Variants in APAF1 observed in about 807,000 individuals in gnomAD.
APAF1 encodes the protein apoptotic peptidase activating factor 1.
Under a neutral mutation model 152.4 loss-of-function variants are expected in APAF1, and 91 were observed. That is an observed-to-expected ratio of 0.60 (90% CI 0.50 to 0.71). The LOEUF (loss-of-function observed/expected upper bound fraction) is 0.71. Ranked by LOEUF, APAF1 falls within the 30% of genes least tolerant of loss-of-function variation. APAF1 has a pLI of 0.00. For missense variants in APAF1, 1,283 were observed against 1,472.0 expected, an observed-to-expected ratio of 0.87 and a Z score of 2.10; for synonymous variants, 484 against 494.1, an observed-to-expected ratio of 0.98 and a Z score of 0.27.
chr12:98,670,908 G>T, intron 10 of APAF1, 65 bp from the exon 11 acceptor site: 1 of 893,318 alleles, frequency 1.1e-6, no homozygotes, highest in South Asian at 1.3e-5. Context: ...TGAGGTTAAT[G>T]ATGTTATACC....
rs1331776919 is a variant in APAF1 at position 98,732,514 on chromosome 12, ATG to A, written c.3698_3699del (p.Val1233AspfsTer4). 1 of 1,576,550 alleles carries A rather than the reference ATG, an allele frequency of 6.3e-7. No homozygotes were observed. The highest frequency in any genetic ancestry group is 1.3e-5 in the African/African-American group (1 of 74,118). On this transcript the variant is annotated frameshift_variant, in exon 27 of 27. Transcript: ENST00000551964. LOFTEE classifies it high-confidence loss of function. ...CACGTGTCCCCTGACTTCAAAACATATGTGACTGTGGATAATCTTGGTATTTT... is the reference window on the plus strand; with the variant it reads ...CACGTGTCCCCTGACTTCAAAACATATGACTGTGGATAATCTTGGTATTTT...
intron 12 of APAF1, among the ~76,000 whole-genome samples, chr12:98,674,879 G>A (rs2097684890): frequency 6.6e-6 from 1 of 152,168 alleles, no homozygotes; most frequent in African/African-American, 2.4e-5. Context: ...ATAGCATTTA[G>A]CATTTTTCTG....
intron 16 of APAF1, among the ~76,000 whole-genome samples, chr12:98,688,780 T>A (rs1279430339): frequency 2.6e-5 from 4 of 151,866 alleles, no homozygotes; most frequent in Non-Finnish European, 5.9e-5. Flanking sequence ...TTCTTTTTTC[T>A]TTTCTTTTCT....
intron 22 of APAF1, among the ~76,000 whole-genome samples, chr12:98,717,985 C>T (rs541445263): frequency 1.8e-4 from 27 of 152,208 alleles, no homozygotes; most frequent in Admixed American, 4.6e-4. Flanking sequence ...ATAAACCTGG[C>T]TGGCAGGTTC....
chr12:98,683,239 C>T lies in APAF1; in HGVS notation c.2143C>T (p.Leu715Phe), dbSNP rs2097694404. ...CHFTNSSHHL[L>F]LATGSSDCFL... ...TTTCACCAACAGTAGTCATCATCTT[C>T]TCTTAGCCACTGGGTCAAGTGACTG... is the stretch of plus-strand genomic sequence containing the variant. The change falls in exon 15 of 27, where the codon CTC (leucine) becomes TTC (phenylalanine). Residue 715 changes from leucine (L) to phenylalanine (F), a missense_variant. Transcript: ENST00000551964. 2 of 1,613,858 alleles carry T rather than the reference C, an allele frequency of 1.2e-6. No homozygotes were observed. The highest frequency in any genetic ancestry group is 1.7e-5 in the Admixed American group (1 of 59,988).
At chr12:98,671,150 C>G in intron 11 of APAF1, 64 bp downstream of exon 11, 4 of 1,025,240 alleles carry the variant, frequency 3.9e-6, no homozygotes, top group South Asian at 2.7e-5. Context: ...ACATTTAATT[C>G]TAGATTTAAT....
intron 16 of APAF1, among the ~76,000 whole-genome samples, chr12:98,695,721 G>A (rs1200944433): frequency 6.6e-6 from 1 of 152,238 alleles, no homozygotes. Flanking sequence ...GGCCCCCTGG[G>A]TTGCAGAGTG....
At chr12:98,720,600 A>G (rs1389780200) in intron 22 of APAF1, among the ~76,000 whole-genome samples, 1 of 152,170 alleles carries the variant, frequency 6.6e-6, no homozygotes, top group Non-Finnish European at 1.5e-5. Flanking sequence ...TTTACCTTGA[A>G]GTAAATAAAG....
In APAF1 at chr12:98,649,915, T is replaced by G. The variant is rs137933277; in HGVS notation, c.526+231T>G. 5.4e-4 allele frequency among the ~76,000 whole-genome samples: 82 copies of G among 151,884 alleles called. 1 individual carries two copies. In the East Asian group the frequency reaches 0.014, roughly 25 times the overall value. On this transcript the variant is annotated intron_variant, in intron 4 of 26. Transcript: ENST00000551964. Reference sequence around the variant, plus strand: ...GAAAGAATAAAAGTTAGCTAGGCAGTGAAGGTAGGGATGGGAGACTAGGGA... The same window carrying G: ...GAAAGAATAAAAGTTAGCTAGGCAGGGAAGGTAGGGATGGGAGACTAGGGA...
At chr12:98,731,804 C>A (rs1429257495) in intron 26 of APAF1, among the ~76,000 whole-genome samples, 1 of 152,124 alleles carries the variant, frequency 6.6e-6, no homozygotes. Flanking sequence ...ATATTATAAG[C>A]AAATTCAGTG....
rs1351628383 is a variant in APAF1 at position 98,648,508 on chromosome 12, C to G, written c.138+11C>G. 5.0e-6 allele frequency: 8 copies of G among 1,612,776 alleles called. No individual in the cohort carries two copies. Among genetic ancestry groups the G allele is most frequent in the Admixed American group, 1.7e-5 (1 of 59,916 alleles). On this transcript the variant is annotated intron_variant, in intron 2 of 26. Coordinates refer to ENST00000551964, the MANE Select transcript of APAF1 (RefSeq NM_181861.2). The stretch of plus-strand genomic sequence containing the variant: ...AAAGTAAGAAATGAGGTAAAGCTCT[C>G]TGAAGCAGTCCACACTTCCTTAAAA...
chr12:98,662,806 G>C lies in APAF1; in HGVS notation c.955G>C (p.Gly319Arg). Residue 319 changes from glycine to arginine, a missense_variant and splice_region_variant, in exon 7 of 27, where the codon GGC (glycine) becomes CGC (arginine). Coordinates refer to ENST00000551964, the MANE Select transcript of APAF1 (RefSeq NM_181861.2). ...QAHSIIKECK[G>R]SPLVVSLIGA... The stretch of plus-strand genomic sequence containing the variant: ...TCATAGTATTATAAAAGAATGTAAA[G>C]GTATGGTTATTTATTTGTTTATGAG... 1 of 1,607,732 alleles carries C rather than the reference G, an allele frequency of 6.2e-7. No homozygotes were observed. The highest frequency in any genetic ancestry group is 1.1e-5 in the South Asian group (1 of 90,804).
At chr12:98,668,203 TAA>T (rs2097675844) in intron 10 of APAF1, among the ~76,000 whole-genome samples, 1 of 152,224 alleles carries the variant, frequency 6.6e-6, no homozygotes, top group South Asian at 2.1e-4. Flanking sequence ...TTTTTATTAG[TAA>T]AAATGGGATT....
chr12:98,656,775 A>G (rs1298219842), intron 4 of APAF1, among the ~76,000 whole-genome samples: 1 of 151,986 alleles, frequency 6.6e-6, no homozygotes, highest in Admixed American at 6.6e-5. Context: ...TTTTTCCTTT[A>G]TATCCTACAT....
chr12:98,727,027 G>A (rs2097751550), intron 25 of APAF1, 146 bp from the exon 26 acceptor site: 2 of 677,544 alleles, frequency 3.0e-6, no homozygotes, highest in Non-Finnish European at 2.5e-6. Context: ...GAAATAAATG[G>A]CAATATTAGT....
At chr12:98,716,433 T>C (rs2097734833) in intron 22 of APAF1, among the ~76,000 whole-genome samples, 3 of 152,250 alleles carry the variant, frequency 2.0e-5, no homozygotes, top group South Asian at 4.1e-4. Flanking sequence ...ATTTTTTGCC[T>C]TAACGCAATT....
chr12:98,727,464 T>C, intron 26 of APAF1, 148 bp downstream of exon 26: 1 of 867,502 alleles, frequency 1.2e-6, no homozygotes, highest in Non-Finnish European at 1.8e-6. Context: ...GGAGGATCGC[T>C]GGAGTCTGTG....
At chr12:98,645,907 A>C (rs2097639494) in intron 1 of APAF1, 72 bp downstream of exon 1, 1 of 152,250 alleles carries the variant, frequency 6.6e-6, no homozygotes, top group Admixed American at 6.5e-5. Context: ...TCAGGGACTG[A>C]GAATTTGAGG....
chr12:98,681,753 C>A (rs952780028), intron 14 of APAF1, among the ~76,000 whole-genome samples: 1 of 152,110 alleles, frequency 6.6e-6, no homozygotes, highest in African/African-American at 2.4e-5. Flanking sequence ...CCACTGAGGG[C>A]AGTTCTAAAG....
Sources: allele counts gnomAD v4.1 joint callset (sites outside exome capture counted in the v4.1 genomes callset), GRCh38; gene constraint gnomAD v4.1.1; transcripts MANE v1.5; gene names NCBI Gene and HGNC (gene_info 2026-07-23, HGNC 2026-07-21).